Variants in GPHN observed in about 807,000 individuals in gnomAD.
GPHN encodes the protein gephyrin.
GPHN carries 17 observed loss-of-function variants against 95.5 expected under a neutral mutation model. That is an observed-to-expected ratio of 0.18 (90% CI 0.12 to 0.27). GPHN has a LOEUF of 0.27. Ranked by LOEUF, GPHN falls within the 10% of genes least tolerant of loss-of-function variation. GPHN has a pLI of 1.00. For synonymous variants in GPHN, 320 were observed against 322.5 expected (o/e 0.99, Z 0.08); for missense variants, 660 against 978.1 (o/e 0.67, Z 4.34).
At chr14:67,355,610 T>A in the GPHN span, among the ~76,000 whole-genome samples, 1 of 152,014 alleles carries the variant, frequency 6.6e-6, no homozygotes. Context: ...CTTAAGAGAC[T>A]AGAACAGCCA....
chr14:67,143,417 A>C lies in GPHN; in HGVS notation c.1804A>C (p.Ile602Leu), dbSNP rs756165409. Reference sequence around the variant, plus strand: ...GGGTATCAGTCGTGCTGATGTCATCATCACATCAGGGGGTGTATCCATGGG... The same window carrying C: ...GGGTATCAGTCGTGCTGATGTCATCCTCACATCAGGGGGTGTATCCATGGG... ...NEGISRADVI[I>L]TSGGVSMGEK... The change falls in exon 18 of 23, where the codon ATC becomes CTC. Residue 602 changes from isoleucine (I) to leucine (L), a missense_variant. This residue lies in a region of GPHN where 257 missense variants were observed against 376.2 expected (regional missense o/e 0.68). Coordinates refer to ENST00000478722, the MANE Select transcript of GPHN (RefSeq NM_020806.5). 6.2e-7 allele frequency: 1 copy of C among 1,608,150 alleles called. No homozygotes were observed. The highest frequency in any genetic ancestry group is 1.1e-5 in the South Asian group (1 of 90,964).
the GPHN span, chr14:67,350,549 A>G: frequency 1.4e-6 from 2 of 1,414,444 alleles, no homozygotes; most frequent in Non-Finnish European, 2.0e-6. Flanking sequence ...TGCTTTTTAA[A>G]TGAAATTATG....
chr14:66,801,978 G>GCCCGCTCCCGCTCCCGC (rs1555409695), intron 3 of GPHN, among the ~76,000 whole-genome samples: 1 of 152,084 alleles, frequency 6.6e-6, no homozygotes, highest in African/African-American at 2.4e-5. Flanking sequence ...TACCATCTGT[G>GCCCGCTCCCGCTCCCGC]TTCACTCAAA....
At chr14:67,291,234 C>CTT in the GPHN span, among the ~76,000 whole-genome samples, 14 of 145,008 alleles carry the variant, frequency 9.7e-5, no homozygotes, top group African/African-American at 2.3e-4. Context: ...ACTACCAGTG[C>CTT]TTTTTTTTTT....
chr14:67,464,267 G>A, the GPHN span, among the ~76,000 whole-genome samples: 1 of 152,142 alleles, frequency 6.6e-6, no homozygotes. Flanking sequence ...GAACAGGATG[G>A]AGGCTAAGGG....
the GPHN span, among the ~76,000 whole-genome samples, chr14:67,273,261 C>T: frequency 6.6e-6 from 1 of 151,550 alleles, no homozygotes; most frequent in Non-Finnish European, 1.5e-5. Flanking sequence ...TGCTATCGCT[C>T]CCCCCTCCCA....
At chr14:66,764,521 T>C (rs932442603) in intron 2 of GPHN, among the ~76,000 whole-genome samples, 12 of 151,952 alleles carry the variant, frequency 7.9e-5, no homozygotes, top group African/African-American at 2.7e-4. Context: ...ACACAACAAA[T>C]ACGTGCCAGG....
chr14:66,807,750 A>G (rs2060605521), intron 3 of GPHN, among the ~76,000 whole-genome samples: 1 of 152,220 alleles, frequency 6.6e-6, no homozygotes, highest in Non-Finnish European at 1.5e-5. Context: ...TATTAAATAT[A>G]CAAGAATTGA....
chr14:67,559,784 C>G, the GPHN span: 2 of 761,010 alleles, frequency 2.6e-6, no homozygotes, highest in East Asian at 2.7e-5. Flanking sequence ...TCTAGGGTGC[C>G]TCGGCTGACC....
chr14:66,860,658 C>A (rs919676514), intron 4 of GPHN, among the ~76,000 whole-genome samples: 2 of 151,630 alleles, frequency 1.3e-5, no homozygotes, highest in East Asian at 1.9e-4. Flanking sequence ...AAATAATAAA[C>A]GAATCAACGA....
At chr14:66,951,177 C>T (rs1470249946) in intron 8 of GPHN, among the ~76,000 whole-genome samples, 3 of 152,030 alleles carry the variant, frequency 2.0e-5, no homozygotes, top group Non-Finnish European at 2.9e-5. Context: ...CCACCCACCT[C>T]GGCCTCCCAA....
chr14:66,761,095 A>G (rs992673934), intron 2 of GPHN: 28 of 382,772 alleles, frequency 7.3e-5, no homozygotes, highest in African/African-American at 5.3e-4. Context: ...TTATTAGTTT[A>G]TTTTTTACAT....
chr14:66,771,353 G>A (rs1298860492), intron 2 of GPHN, among the ~76,000 whole-genome samples: 2 of 151,866 alleles, frequency 1.3e-5, no homozygotes, highest in African/African-American at 2.4e-5. Flanking sequence ...TGTCCTTCTC[G>A]TCATATTGTC....
chr14:67,088,051 A>G (rs528021363), intron 11 of GPHN, among the ~76,000 whole-genome samples: 1 of 152,336 alleles, frequency 6.6e-6, no homozygotes, highest in Admixed American at 6.5e-5. Context: ...TACTTACTTC[A>G]CACAAAAGGT....
chr14:66,625,979 G>A (rs1161330708), intron 1 of GPHN, among the ~76,000 whole-genome samples: 2 of 152,098 alleles, frequency 1.3e-5, no homozygotes, highest in East Asian at 3.8e-4. Flanking sequence ...ACTATCATAG[G>A]GCATTTTCTC....
intron 9 of GPHN, among the ~76,000 whole-genome samples, chr14:66,996,895 T>A (rs191990909): frequency 3.3e-5 from 5 of 152,236 alleles, no homozygotes; most frequent in African/African-American, 1.2e-4. Flanking sequence ...GAGGTTTAAT[T>A]TTTTATCCTT....
chr14:67,566,313 C>G, the GPHN span, among the ~76,000 whole-genome samples: 4 of 152,094 alleles, frequency 2.6e-5, no homozygotes, highest in African/African-American at 9.7e-5. Flanking sequence ...GCTGCTGGCT[C>G]TCTTCTTGCT....
intron 1 of GPHN, among the ~76,000 whole-genome samples, chr14:66,585,912 G>A (rs1437549573): frequency 6.6e-6 from 1 of 152,060 alleles, no homozygotes; most frequent in East Asian, 1.9e-4. Context: ...GGTCTGCTTG[G>A]TGCAGAGCTG....
intron 9 of GPHN, among the ~76,000 whole-genome samples, chr14:67,010,858 A>G (rs564711185): frequency 3.2e-4 from 49 of 152,312 alleles, no homozygotes; most frequent in Non-Finnish European, 6.2e-4. Flanking sequence ...AGAATTTAAT[A>G]GCATTCTCAG....
Sources: gnomAD v4.1 joint callset for allele counts (sites outside exome capture counted in the v4.1 genomes callset) on GRCh38, gnomAD v4.1.1 for gene constraint, gnomAD v4.1.1 regional missense constraint, MANE v1.5 for transcripts, NCBI Gene and HGNC (gene_info 2026-07-23, HGNC 2026-07-21) for gene names.